TAF1B: variants seen among roughly 807,000 people sequenced by gnomAD.
The protein encoded by TAF1B is TATA-box binding protein associated factor, RNA polymerase I subunit B.
Under a neutral mutation model 83.9 loss-of-function variants are expected in TAF1B, and 61 were observed. That is an observed-to-expected ratio of 0.73 (90% CI 0.59 to 0.90). The LOEUF is 0.90. Among genes scored for constraint, TAF1B ranks in the 40% least tolerant of loss-of-function variants. The pLI is 0.00. For missense variants in TAF1B, 625 were observed against 677.0 expected (o/e 0.92, Z 0.85); for synonymous variants, 221 against 224.6 (o/e 0.98, Z 0.14).
chr2:9,878,142 C>T (rs1035622568), intron 7 of TAF1B, among the ~76,000 whole-genome samples: 1 of 152,018 alleles, frequency 6.6e-6, no homozygotes, highest in Non-Finnish European at 1.5e-5. Flanking sequence ...ACCTATCCTA[C>T]ACCTTCTGAA....
At chr2:9,881,171 T>C (rs1464579010) in intron 7 of TAF1B, among the ~76,000 whole-genome samples, 1 of 152,036 alleles carries the variant, frequency 6.6e-6, no homozygotes, top group African/African-American at 2.4e-5. Flanking sequence ...CTGTCTCTAC[T>C]AAAAATACAA....
At position 9,913,055 on chromosome 2, in the gene TAF1B, C is replaced by T. The variant is rs182377557; in HGVS notation, c.1181-104C>T. 1.7e-3 allele frequency: 1,526 copies of T among 897,430 alleles called. 2 individuals carry two copies. The highest frequency in any genetic ancestry group is 1.9e-3 in the Non-Finnish European group (1,109 of 585,664). 55.6% of individuals were successfully genotyped at this position (897,430 alleles called of 1,614,324 possible). On this transcript the variant is annotated intron_variant, in intron 11 of 14. Transcript: ENST00000263663. The stretch of plus-strand genomic sequence containing the variant: ...TGTCTACATCTTGATCACACACTCA[C>T]ACCAACTGCCCAGTGCAGTCAATTA...
At chr2:9,880,343 T>G (rs1664460669) in intron 7 of TAF1B, among the ~76,000 whole-genome samples, 1 of 150,392 alleles carries the variant, frequency 6.6e-6, no homozygotes, top group African/African-American at 2.4e-5. Context: ...CCAGTTTTTC[T>G]GTCAACTTCC....
rs73913916 is a variant in TAF1B, at chr2:9,919,008, G to A, written c.1272-33G>A. 889 of 1,567,742 alleles carry A rather than the reference G, an allele frequency of 5.7e-4. 6 individuals are homozygous for A. The African/African-American group carries it at 0.01, about 18-fold the overall frequency. On this transcript the variant is annotated intron_variant, in intron 12 of 14. Coordinates refer to ENST00000263663, the MANE Select transcript of TAF1B (RefSeq NM_005680.3). The stretch of plus-strand genomic sequence containing the variant: ...ATGTGTTTATGTCCGTTTCATCTCC[G>A]TCCTGCTCCAGCTGTTTCTTTACCT...
chr2:9,859,369 TC>T (rs1409047257), intron 5 of TAF1B, among the ~76,000 whole-genome samples: 2 of 150,280 alleles, frequency 1.3e-5, no homozygotes, highest in African/African-American at 4.9e-5. Flanking sequence ...GACTTCATTG[TC>T]CATATCACTA....
At chr2:9,876,818 T>G (rs1363589002) in intron 7 of TAF1B, among the ~76,000 whole-genome samples, 1 of 152,210 alleles carries the variant, frequency 6.6e-6, no homozygotes, top group African/African-American at 2.4e-5. Context: ...AATAACTACC[T>G]CATAGGGTTG....
intron 7 of TAF1B, among the ~76,000 whole-genome samples, chr2:9,880,225 GA>G (rs1664457841): frequency 6.6e-6 from 1 of 152,056 alleles, no homozygotes; most frequent in South Asian, 2.1e-4. Flanking sequence ...ACCCATCATA[GA>G]TTGAAACTTT....
intron 14 of TAF1B, among the ~76,000 whole-genome samples, chr2:9,932,681 T>G (rs1009795899): frequency 1.3e-5 from 2 of 152,244 alleles, no homozygotes; most frequent in African/African-American, 2.4e-5. Flanking sequence ...AACACCATGC[T>G]GTGAGAACCA....
intron 10 of TAF1B, 43 bp downstream of exon 10, chr2:9,910,956 C>A: frequency 1.3e-6 from 2 of 1,530,478 alleles, no homozygotes; most frequent in South Asian, 1.2e-5. Context: ...TTTTATGGTG[C>A]TGATCTTAGT....
chr2:9,868,169 AGAGT>A, intron 5 of TAF1B, 103 bp from the exon 6 acceptor site: 1 of 1,163,292 alleles, frequency 8.6e-7, no homozygotes, highest in Non-Finnish European at 1.2e-6. Context: ...GCAGTTTTCT[AGAGT>A]GGTTTCTTTT....
At chr2:9,903,955 A>G (rs1419344265) in intron 8 of TAF1B, among the ~76,000 whole-genome samples, 1 of 152,208 alleles carries the variant, frequency 6.6e-6, no homozygotes, top group Non-Finnish European at 1.5e-5. Flanking sequence ...GCTGAGTTAA[A>G]ATATTAAGGA....
rs56848122 is a variant in TAF1B at position 9,924,495 on chromosome 2, T to G, written c.1565+4675T>G. On this transcript the variant is annotated intron_variant, in intron 14 of 14. Transcript: ENST00000263663. ...GAGCTCCAGTCGCAGAGCCTGAAGT[T>G]CATGGCTCCATGCCACTAAATAAGG... 6.9e-3 allele frequency among the ~76,000 whole-genome samples: 1,057 copies of G among 152,352 alleles called. 12 individuals are homozygous for G. The highest frequency in any genetic ancestry group is 0.025 in the African/African-American group (1,024 of 41,582).
rs182799720 is a variant in TAF1B at position 9,901,420 on chromosome 2, T to G, written c.808-3439T>G. On this transcript the variant is annotated intron_variant, in intron 8 of 14. Transcript: ENST00000263663. ...ATAGTGGCCTCTTTGTCACCAGATG[T>G]TGACTTTCATGTATCAGCTTTTAGT... Among the ~76,000 whole-genome samples the G allele has an allele frequency of 1.4e-4, 22 of 152,342 alleles. No individual in the cohort carries two copies. In the East Asian group the frequency reaches 4.2e-3, roughly 29 times the overall value.
rs541610679 is a variant in TAF1B at position 9,923,210 on chromosome 2, C to T, written c.1565+3390C>T. Reference sequence around the variant, plus strand: ...CTGAGAGCACACCACTGCACTCCAGCCTGGGCGACAGAGCAAGACTCCATC... The same window carrying T: ...CTGAGAGCACACCACTGCACTCCAGTCTGGGCGACAGAGCAAGACTCCATC... On this transcript the variant is annotated intron_variant, in intron 14 of 14. Coordinates refer to ENST00000263663, the MANE Select transcript of TAF1B (RefSeq NM_005680.3). Among the ~76,000 whole-genome samples, 13 of 148,292 alleles carry T rather than the reference C, an allele frequency of 8.8e-5. No homozygotes were observed. The South Asian group carries it at 1.1e-3, about 12-fold the overall frequency.
At chr2:9,925,888 T>G (rs1383333811) in intron 14 of TAF1B, among the ~76,000 whole-genome samples, 1 of 152,194 alleles carries the variant, frequency 6.6e-6, no homozygotes, top group Non-Finnish European at 1.5e-5. Context: ...TGGCAGAGTT[T>G]TATGGTGCAA....
At chr2:9,928,510 T>A (rs1666114001) in intron 14 of TAF1B, among the ~76,000 whole-genome samples, 1 of 152,200 alleles carries the variant, frequency 6.6e-6, no homozygotes, top group Non-Finnish European at 1.5e-5. Flanking sequence ...GTTCTTCCAT[T>A]TGTTTGTGTC....
intron 8 of TAF1B, among the ~76,000 whole-genome samples, chr2:9,896,073 A>G (rs1665009923): frequency 6.6e-6 from 1 of 152,192 alleles, no homozygotes; most frequent in Non-Finnish European, 1.5e-5. Context: ...TTTAAAAAAC[A>G]TGTTAAACTT....
chr2:9,888,252 C>T (rs431562), intron 8 of TAF1B, among the ~76,000 whole-genome samples: 42,370 of 151,816 alleles, frequency 0.28, 6,896 homozygotes, highest in Middle Eastern at 0.4. Context: ...AGAGTATTTC[C>T]ACTTCCCTCC....
intron 2 of TAF1B, 100 bp from the exon 3 acceptor site, chr2:9,849,273 C>T (rs568372095): frequency 1.3e-6 from 1 of 799,988 alleles, no homozygotes; most frequent in Non-Finnish European, 2.0e-6. Context: ...GGTCCTGGCA[C>T]TCACAATTTG....
Sources: gnomAD v4.1 joint callset for allele counts (sites outside exome capture counted in the v4.1 genomes callset) on GRCh38, gnomAD v4.1.1 for gene constraint, MANE v1.5 for transcripts, NCBI Gene and HGNC (gene_info 2026-07-23, HGNC 2026-07-21) for gene names.